SPAST: variants seen among roughly 807,000 people sequenced by gnomAD.
SPAST encodes the protein spastic paraplegia 4 (autosomal dominant; spastin).
In SPAST, 30 loss-of-function variants were observed where a neutral mutation model predicts 76.6. The ratio of observed to expected loss-of-function variants is 0.39; its 90% CI spans 0.29 to 0.53. The LOEUF is 0.53. Among genes scored for constraint, SPAST ranks in the 20% least tolerant of loss-of-function variants. The probability of loss-of-function intolerance (pLI) is 0.68; values close to 1 mark genes in which losing one functional copy is unlikely to be tolerated. For missense variants in SPAST, 717 were observed against 770.5 expected, an observed-to-expected ratio of 0.93 and a Z score of 0.82; for synonymous variants, 305 against 281.0, an observed-to-expected ratio of 1.09 and a Z score of -0.86.
rs181665121 is a variant in SPAST, at chr2:32,118,503, G to A, written c.1098+2291G>A. 2.6e-3 allele frequency among the ~76,000 whole-genome samples: 398 copies of A among 152,216 alleles called. 5 individuals are homozygous for A. Among genetic ancestry groups the A allele is most frequent in the African/African-American group, 9.0e-3 (372 of 41,518 alleles). ...TCACACTTTGGGAAACGTAGCTTACGTATTGAGCTAACATTTTGCTGGAGT... is the reference window on the plus strand; with the variant it reads ...TCACACTTTGGGAAACGTAGCTTACATATTGAGCTAACATTTTGCTGGAGT... On this transcript the variant is annotated intron_variant, in intron 7 of 16. Coordinates refer to ENST00000315285, the MANE Select transcript of SPAST (RefSeq NM_014946.4).
At chr2:32,131,539 G>C (rs216542) in intron 9 of SPAST, among the ~76,000 whole-genome samples, 150,866 of 152,260 alleles carry the variant, frequency 0.99, 74,759 homozygotes, top group Middle Eastern at 1. Context: ...TATTCTCATA[G>C]CTCTATTTTA....
chr2:32,091,783 G>A (rs190595192), intron 3 of SPAST, among the ~76,000 whole-genome samples: 17 of 151,764 alleles, frequency 1.1e-4, no homozygotes, highest in East Asian at 9.9e-4. Flanking sequence ...GCAGTGAGCC[G>A]AGATCATGCC....
chr2:32,075,894 C>T lies in SPAST; in HGVS notation c.416-11598C>T, dbSNP rs900945104. On this transcript the variant is annotated intron_variant, in intron 1 of 16. Coordinates refer to ENST00000315285, the MANE Select transcript of SPAST (RefSeq NM_014946.4). ...TTTTTTTAATGAAAAATTCAAAATG[C>T]TCTTTTTTTTTTTTTTTTTTTTTTG... Among the ~76,000 whole-genome samples the T allele has an allele frequency of 1.3e-3, 112 of 87,112 alleles. 7 individuals are homozygous for T. The highest frequency in any genetic ancestry group is 2.6e-3 in the East Asian group (6 of 2,280). 57.1% of individuals were successfully genotyped at this position (87,112 alleles called of 152,430 possible).
chr2:32,108,494 C>G (rs1176563740), intron 4 of SPAST, among the ~76,000 whole-genome samples: 2 of 152,026 alleles, frequency 1.3e-5, no homozygotes, highest in Non-Finnish European at 1.5e-5. Context: ...TTTACAAACT[C>G]ATCAAATTGT....
intron 4 of SPAST, among the ~76,000 whole-genome samples, chr2:32,109,934 A>ACACATATATAGT (rs1678475173): frequency 2.7e-5 from 4 of 148,502 alleles, no homozygotes; most frequent in Non-Finnish European, 1.5e-5. Flanking sequence ...GTATATGCAT[A>ACACATATATAGT]TACATATATA....
chr2:32,123,731 C>T (rs928562953), intron 7 of SPAST, among the ~76,000 whole-genome samples: 1 of 152,130 alleles, frequency 6.6e-6, no homozygotes, highest in Non-Finnish European at 1.5e-5. Flanking sequence ...CAGATAAAGT[C>T]AACTGATCTT....
At chr2:32,089,813 G>A (rs1163303528) in intron 3 of SPAST, among the ~76,000 whole-genome samples, 3 of 152,042 alleles carry the variant, frequency 2.0e-5, no homozygotes, top group Non-Finnish European at 4.4e-5. Flanking sequence ...ACCCAGGCTG[G>A]AGTGCAGTGG....
At chr2:32,064,548 C>T (rs1320769234) in intron 1 of SPAST, among the ~76,000 whole-genome samples, 3 of 152,190 alleles carry the variant, frequency 2.0e-5, no homozygotes, top group Non-Finnish European at 2.9e-5. Flanking sequence ...GACATTTGTC[C>T]TAGAGTGACC....
chr2:32,110,337 C>T (rs2148727551), intron 4 of SPAST, among the ~76,000 whole-genome samples: 1 of 149,058 alleles, frequency 6.7e-6, no homozygotes, highest in East Asian at 2.0e-4. Context: ...CCAGGCTGTT[C>T]TCAAACTCCT....
chr2:32,121,166 AG>A (rs1052511008), intron 7 of SPAST, among the ~76,000 whole-genome samples: 2 of 151,756 alleles, frequency 1.3e-5, no homozygotes, highest in East Asian at 1.9e-4. Flanking sequence ...AGGTGGGGGC[AG>A]GGGGGAAGGA....
intron 16 of SPAST, 148 bp from the exon 17 acceptor site, chr2:32,154,226 A>C: frequency 1.5e-6 from 1 of 666,084 alleles, no homozygotes. Flanking sequence ...AATATATTTA[A>C]ATGGCTGACA....
intron 1 of SPAST, among the ~76,000 whole-genome samples, chr2:32,069,214 CAA>C (rs56319240): frequency 6.9e-4 from 79 of 114,654 alleles, no homozygotes; most frequent in East Asian, 1.2e-3. Context: ...CTCCATCTCT[CAA>C]AAAAAAAAAA....
chr2:32,071,047 A>G (rs1251845696), intron 1 of SPAST, among the ~76,000 whole-genome samples: 2 of 152,176 alleles, frequency 1.3e-5, no homozygotes, highest in African/African-American at 4.8e-5. Context: ...TCCTTGGAAT[A>G]TTTGGAGGAA....
In SPAST at chr2:32,142,055, T is replaced by C. The variant is rs1347067859; in HGVS notation, c.1536+109T>C. 3.4e-6 allele frequency: 3 copies of C among 875,654 alleles called. No homozygotes were observed. The African/African-American group carries it at 5.0e-5, about 15-fold the overall frequency. The allele number at this position is 875,654 out of a possible 1,614,324, so 54.2% of individuals were successfully genotyped here. ...GGTACAGCTACTTTGGAAAACAGTT[T>C]AGTGGTTTCTTAAAAAGATGTACAT... On this transcript the variant is annotated intron_variant, in intron 13 of 16. Transcript: ENST00000315285.
intron 4 of SPAST, among the ~76,000 whole-genome samples, chr2:32,099,658 T>A (rs1678046840): frequency 1.3e-5 from 2 of 152,146 alleles, no homozygotes; most frequent in Non-Finnish European, 2.9e-5. Flanking sequence ...TTATCATTCC[T>A]TGTGTTGGAA....
chr2:32,153,318 ATTTTTTT>A (rs148901250), intron 16 of SPAST, among the ~76,000 whole-genome samples: 2 of 79,286 alleles, frequency 2.5e-5, no homozygotes, highest in Admixed American at 1.4e-4. Context: ...TTTTGCCTTA[ATTTTTTT>A]TTTTTTTTTT....
chr2:32,137,012 A>G (rs958635070), intron 11 of SPAST, 44 bp downstream of exon 11: 2 of 1,531,230 alleles, frequency 1.3e-6, no homozygotes, highest in Admixed American at 1.7e-5. Context: ...GCATTTTAGT[A>G]TATTTTCCTA....
At chr2:32,087,657 A>G in intron 2 of SPAST, 79 bp downstream of exon 2, 1 of 463,538 alleles carries the variant, frequency 2.2e-6, no homozygotes. Flanking sequence ...CTATTTATTT[A>G]TTTATTTATT....
chr2:32,097,591 G>A (rs1285160058), intron 3 of SPAST, among the ~76,000 whole-genome samples: 1 of 150,964 alleles, frequency 6.6e-6, no homozygotes, highest in Non-Finnish European at 1.5e-5. Context: ...CCTGACATAT[G>A]TTAATGTGGC....
Sources: gnomAD v4.1 joint callset for allele counts (sites outside exome capture counted in the v4.1 genomes callset) on GRCh38, gnomAD v4.1.1 for gene constraint, MANE v1.5 for transcripts, NCBI Gene and HGNC (gene_info 2026-07-23, HGNC 2026-07-21) for gene names.